The following DESI1 variants were observed in gnomAD, a reference collection of about 807,000 sequenced individuals.
DESI1 encodes the protein desumoylating isopeptidase 1, also known as PPPDE peptidase domain containing 2.
DESI1 carries 17 observed loss-of-function variants against 22.4 expected under a neutral mutation model. The observed-to-expected ratio is 0.76, with a 90% CI of 0.52 to 1.14. The LOEUF (loss-of-function observed/expected upper bound fraction) is 1.14. Among genes scored for constraint, DESI1 ranks in the 50% most tolerant of loss-of-function variants. DESI1 has a pLI of 0.00. For synonymous variants in DESI1, 92 were observed against 84.2 expected (o/e 1.09, Z -0.51); for missense variants, 177 against 208.9 (o/e 0.85, Z 0.94).
chr22:41,620,649 T>C (rs28384702), intron 1 of DESI1, 103 bp downstream of exon 1: 1 of 1,158,510 alleles, frequency 8.6e-7, no homozygotes, highest in South Asian at 1.5e-5. Flanking sequence ...CTCCTGGCCA[T>C]GTGTCTCCCC....
At chr22:41,620,007 T>C (rs1190747970) in intron 1 of DESI1, among the ~76,000 whole-genome samples, 1 of 152,220 alleles carries the variant, frequency 6.6e-6, no homozygotes, top group Non-Finnish European at 1.5e-5. Context: ...CTCCTGCCAG[T>C]TAAGTAGTTT....
intron 1 of DESI1, among the ~76,000 whole-genome samples, chr22:41,608,873 T>A (rs1432344931): frequency 6.6e-6 from 1 of 152,152 alleles, no homozygotes; most frequent in Non-Finnish European, 1.5e-5. Context: ...ACCCACTCAC[T>A]CCTGCTTATC....
At position 41,600,893 on chromosome 22, in the gene DESI1, T is replaced by C. The variant is rs182398102; in HGVS notation, c.*204A>G. Reference sequence around the variant, plus strand: ...AGACAGCCTTAATAAATTAGTATAATACTATTAGAAGGGGTGGCATTTTGT... The same window carrying C: ...AGACAGCCTTAATAAATTAGTATAACACTATTAGAAGGGGTGGCATTTTGT... On this transcript the variant is annotated 3_prime_UTR_variant, in exon 6 of 6. Transcript: ENST00000263256. 1.9e-4 allele frequency: 107 copies of C among 570,090 alleles called. No individual in the cohort carries two copies. In the East Asian group the frequency reaches 3.1e-3, roughly 17 times the overall value. 35.3% of individuals were successfully genotyped at this position (570,090 alleles called of 1,614,324 possible). A position where few individuals can be genotyped will look rare whatever the true frequency, so the allele number is the denominator to read the frequency against.
At chr22:41,606,486 G>C (rs1311035024) in intron 3 of DESI1, among the ~76,000 whole-genome samples, 1 of 152,052 alleles carries the variant, frequency 6.6e-6, no homozygotes, top group Non-Finnish European at 1.5e-5. Flanking sequence ...AGAAATTTTT[G>C]GAAAAGGCTG....
In DESI1 at chr22:41,604,024, C is replaced by G. The variant is rs12157814; in HGVS notation, c.290+20G>C. ...CTGGGGAGACAGACACAACTAACCA[C>G]CACCCCTGTCTCCACTCACCGGAAC... On this transcript the variant is annotated intron_variant, in intron 4 of 5. Coordinates refer to ENST00000263256, the MANE Select transcript of DESI1 (RefSeq NM_015704.3). 1.6e-5 allele frequency: 26 copies of G among 1,603,580 alleles called. No individual in the cohort carries two copies. The African/African-American group carries it at 3.3e-4, about 21-fold the overall frequency.
At chr22:41,602,957 C>A (rs1269820491) in intron 5 of DESI1, 1 of 557,814 alleles carries the variant, frequency 1.8e-6, no homozygotes, top group South Asian at 2.7e-5. Context: ...TGGCATGCTT[C>A]GAGCACAATG....
intron 5 of DESI1, chr22:41,602,752 G>A (rs942178819): frequency 6.1e-5 from 61 of 999,326 alleles, no homozygotes; most frequent in Non-Finnish European, 6.8e-5. Flanking sequence ...GCTGCAGAGT[G>A]TTCTTGAAGA....
intron 1 of DESI1, among the ~76,000 whole-genome samples, chr22:41,608,562 C>A (rs999774330): frequency 6.6e-6 from 1 of 152,162 alleles, no homozygotes; most frequent in African/African-American, 2.4e-5. Flanking sequence ...ACATGCATGG[C>A]TGTGAAGTCT....
intron 3 of DESI1, among the ~76,000 whole-genome samples, chr22:41,606,435 A>G (rs1044082454): frequency 1.3e-5 from 2 of 152,064 alleles, no homozygotes; most frequent in African/African-American, 4.8e-5. Flanking sequence ...CTGCTTGGCC[A>G]TTGCTTGAGC....
At chr22:41,602,215 A>T in intron 5 of DESI1, 1 of 985,450 alleles carries the variant, frequency 1.0e-6, no homozygotes, top group Non-Finnish European at 1.2e-6. Flanking sequence ...GAAGTACTCC[A>T]AAGTATAGAC....
At chr22:41,602,449 C>G in intron 5 of DESI1, 1 of 985,438 alleles carries the variant, frequency 1.0e-6, no homozygotes, top group Non-Finnish European at 1.2e-6. Context: ...GTCTTGTTTC[C>G]TATGCAAGCT....
intron 1 of DESI1, among the ~76,000 whole-genome samples, chr22:41,611,759 AT>A (rs1321386947): frequency 6.6e-6 from 1 of 151,178 alleles, no homozygotes; most frequent in African/African-American, 2.4e-5. Context: ...CGCCTGGCTA[AT>A]TTTTCTATTT....
intron 5 of DESI1, chr22:41,602,091 A>AT (rs2067452713): frequency 1.8e-6 from 1 of 561,430 alleles, no homozygotes; most frequent in Non-Finnish European, 2.3e-6. Flanking sequence ...GAGTTTGGAG[A>AT]TTTTCCATGA....
intron 1 of DESI1, among the ~76,000 whole-genome samples, chr22:41,619,772 C>T (rs374153341): frequency 2.0e-5 from 3 of 152,208 alleles, no homozygotes; most frequent in East Asian, 3.8e-4. Flanking sequence ...TCTGCCCCCT[C>T]GTCTCACAGA....
In DESI1 at chr22:41,607,310, G is replaced by A; in HGVS notation, c.132C>T (p.His44=). ...EGIWHTSIVV[H]KDEFFFGSGG... ...CACTGCCGAAGAAGAACTCATCCTT[G>A]TGCACAACTATGGATGTGTGCCTGT... Residue 44 remains histidine, a synonymous_variant, in exon 3 of 6, where the codon CAC becomes CAT. Transcript: ENST00000263256. The A allele has an allele frequency of 6.2e-7, 1 of 1,612,824 alleles. No individual in the cohort carries two copies. The highest frequency in any genetic ancestry group is 1.1e-5 in the South Asian group (1 of 90,870).
intron 1 of DESI1, among the ~76,000 whole-genome samples, chr22:41,612,646 AG>A (rs753912862): frequency 6.8e-6 from 1 of 146,800 alleles, no homozygotes; most frequent in East Asian, 2.0e-4. Context: ...CTCAGGGTGG[AG>A]TGCAGTAACG....
chr22:41,616,466 C>T (rs963046461), intron 1 of DESI1, among the ~76,000 whole-genome samples: 2 of 151,550 alleles, frequency 1.3e-5, no homozygotes, highest in Admixed American at 1.3e-4. Context: ...GATGCATGTA[C>T]ACGAAACTTC....
At chr22:41,612,992 G>T (rs1056648710) in intron 1 of DESI1, among the ~76,000 whole-genome samples, 4 of 152,196 alleles carry the variant, frequency 2.6e-5, no homozygotes, top group African/African-American at 9.7e-5. Context: ...AGTAGAAGAT[G>T]ACCAGAGGTA....
At chr22:41,613,530 C>T (rs1397581922) in intron 1 of DESI1, among the ~76,000 whole-genome samples, 1 of 152,200 alleles carries the variant, frequency 6.6e-6, no homozygotes, top group Non-Finnish European at 1.5e-5. Flanking sequence ...TTTATAACTC[C>T]AGCACCTAGC....
Sources: allele counts gnomAD v4.1 joint callset (sites outside exome capture counted in the v4.1 genomes callset), GRCh38; gene constraint gnomAD v4.1.1; transcripts MANE v1.5; gene names NCBI Gene and HGNC (gene_info 2026-07-23, HGNC 2026-07-21).